The following PPARGC1B variants were observed in gnomAD, a reference collection of about 807,000 sequenced individuals.
PPARGC1B encodes PPARG coactivator 1 beta, also known as peroxisome proliferator-activated receptor gamma coactivator 1-beta.
Under a neutral mutation model 101.6 loss-of-function variants are expected in PPARGC1B, and 34 were observed. The observed-to-expected ratio is 0.33, with a 90% CI of 0.25 to 0.45. The LOEUF (loss-of-function observed/expected upper bound fraction) is 0.45, where lower values mean the gene tolerates loss of function less well. Ranked by LOEUF, PPARGC1B falls within the 20% of genes least tolerant of loss-of-function variation. The pLI is 1.00. For synonymous variants in PPARGC1B, 548 were observed against 539.3 expected (o/e 1.02, Z -0.22); for missense variants, 1,234 against 1,317.6 (o/e 0.94, Z 0.98).
At position 149,845,785 on chromosome 5, in the gene PPARGC1B, T is replaced by C. The variant is rs1759527873; in HGVS notation, c.2842T>C (p.Tyr948His). The change falls in exon 11 of 12, where the codon TAC becomes CAC. Residue 948 changes from tyrosine to histidine, a missense_variant. Tyr to His is a moderately conservative substitution (Grantham distance 83). Coordinates refer to ENST00000309241, the MANE Select transcript of PPARGC1B (RefSeq NM_133263.4). Reference sequence around the variant, plus strand: ...AGGCGAGAAGTACGGCTTCATCACCTACCGGTGTTCTGAGCACGCGGCCCT... The same window carrying C: ...AGGCGAGAAGTACGGCTTCATCACCCACCGGTGTTCTGAGCACGCGGCCCT... ...RRGEKYGFITYRCSEHAALSL... is the reference protein window; with the variant it reads ...RRGEKYGFITHRCSEHAALSL... 1 of 1,612,932 alleles carries C rather than the reference T, an allele frequency of 6.2e-7. No individual in the cohort carries two copies. Among genetic ancestry groups the C allele is most frequent in the South Asian group, 1.1e-5 (1 of 91,040 alleles).
intron 1 of PPARGC1B, among the ~76,000 whole-genome samples, chr5:149,744,533 A>G (rs1211350703): frequency 1.3e-5 from 2 of 152,214 alleles, no homozygotes; most frequent in African/African-American, 2.4e-5. Flanking sequence ...CATTCTGTTC[A>G]GTGTTCTCCG....
intron 1 of PPARGC1B, among the ~76,000 whole-genome samples, chr5:149,743,188 C>T (rs1561848149): frequency 6.8e-6 from 1 of 148,084 alleles, no homozygotes; most frequent in Non-Finnish European, 1.5e-5. Flanking sequence ...CAGATTCTCG[C>T]TCTGTCGCCC....
In PPARGC1B at chr5:149,847,818, G is replaced by A. The variant is rs368936505; in HGVS notation, c.*260G>A. 14 of 486,508 alleles carry A rather than the reference G, an allele frequency of 2.9e-5. No homozygotes were observed. Among genetic ancestry groups the A allele is most frequent in the East Asian group, 1.7e-4 (5 of 29,508 alleles). The allele number at this position is 486,508 out of a possible 1,614,324, so 30.1% of individuals were successfully genotyped here. ...GTCCTCGCTTCCAACGGGTTGTCCC[G>A]GGTGCACCTCGAAGTGCCGGGTCCG... On this transcript the variant is annotated 3_prime_UTR_variant, in exon 12 of 12. Coordinates refer to ENST00000309241, the MANE Select transcript of PPARGC1B (RefSeq NM_133263.4).
intron 3 of PPARGC1B, among the ~76,000 whole-genome samples, chr5:149,830,246 CT>C (rs74273665): frequency 0.014 from 1,979 of 138,250 alleles, 39 homozygotes; most frequent in African/African-American, 0.045. Context: ...GATGTGTCTT[CT>C]TTTTTTTTTT....
At chr5:149,787,649 AG>A (rs1444131743) in intron 1 of PPARGC1B, among the ~76,000 whole-genome samples, 1 of 152,202 alleles carries the variant, frequency 6.6e-6, no homozygotes, top group African/African-American at 2.4e-5. Context: ...TCTTGGATGT[AG>A]GGAAAGATGG....
intron 1 of PPARGC1B, among the ~76,000 whole-genome samples, chr5:149,804,209 C>T (rs1270373787): frequency 6.6e-6 from 1 of 152,218 alleles, no homozygotes; most frequent in Non-Finnish European, 1.5e-5. Context: ...GAAATAGTGC[C>T]TCTGCGCCTC....
Position 149,836,287 on chromosome 5 carries a change from C to T in PPARGC1B, c.1832C>T (p.Pro611Leu). The T allele has an allele frequency of 3.1e-6, 5 of 1,592,264 alleles. No homozygotes were observed. Among genetic ancestry groups the T allele is most frequent in the Non-Finnish European group, 3.4e-6 (4 of 1,169,260 alleles). ...GGACTCACCCCACCCACCACACCACCGTACAAGCCCACAGAGGAGGATCCC... is the reference window on the plus strand; with the variant it reads ...GGACTCACCCCACCCACCACACCACTGTACAAGCCCACAGAGGAGGATCCC... ...TAGLTPPTTP[P>L]YKPTEEDPFK... Residue 611 changes from proline to leucine, a missense_variant, in exon 8 of 12, where the codon CCG becomes CTG. Physicochemically the swap from Pro to Leu is moderately conservative, Grantham distance 98 (BLOSUM62 -3). Transcript: ENST00000309241.
chr5:149,769,458 T>G (rs1756040450), intron 1 of PPARGC1B, among the ~76,000 whole-genome samples: 1 of 152,222 alleles, frequency 6.6e-6, no homozygotes, highest in African/African-American at 2.4e-5. Context: ...ACGTTCCCAC[T>G]GATTCGGGGA....
intron 1 of PPARGC1B, among the ~76,000 whole-genome samples, chr5:149,745,654 C>T (rs536873695): frequency 3.0e-4 from 45 of 152,302 alleles, no homozygotes; most frequent in African/African-American, 1.0e-3. Context: ...AGCAGGGCAA[C>T]TTCTTTATCA....
At chr5:149,856,079 C>CA (rs1450511015), downstream of PPARGC1B, among the ~76,000 whole-genome samples, 1 of 151,962 alleles carries the variant, frequency 6.6e-6, no homozygotes, top group Non-Finnish European at 1.5e-5. Context: ...GTCGTGGCAA[C>CA]AGAGCCTGGG....
intron 1 of PPARGC1B, among the ~76,000 whole-genome samples, chr5:149,815,361 G>T (rs928647363): frequency 6.6e-6 from 1 of 152,000 alleles, no homozygotes; most frequent in Non-Finnish European, 1.5e-5. Flanking sequence ...AGACAGATAT[G>T]CATAGAGGGA....
chr5:149,826,979 G>A lies in PPARGC1B; in HGVS notation c.465+94G>A, dbSNP rs963082524. The A allele has an allele frequency of 2.4e-5, 23 of 959,056 alleles. No individual in the cohort carries two copies. In the East Asian group the frequency reaches 2.7e-4, roughly 11 times the overall value. 59.4% of individuals were successfully genotyped at this position (959,056 alleles called of 1,614,324 possible). On this transcript the variant is annotated intron_variant, in intron 3 of 11. Coordinates refer to ENST00000309241, the MANE Select transcript of PPARGC1B (RefSeq NM_133263.4). ...GTGCAGAGCAATCCGCTCCAGCCCC[G>A]CAGGGGACTCCGTGCATCACTGGCA...
chr5:149,788,287 A>G (rs1460160091), intron 1 of PPARGC1B, among the ~76,000 whole-genome samples: 1 of 152,278 alleles, frequency 6.6e-6, no homozygotes, highest in African/African-American at 2.4e-5. Flanking sequence ...ACACTTCTCA[A>G]AAGAAGACAT....
intron 1 of PPARGC1B, among the ~76,000 whole-genome samples, chr5:149,806,543 T>C (rs1027498433): frequency 6.6e-6 from 1 of 151,926 alleles, no homozygotes; most frequent in Non-Finnish European, 1.5e-5. Flanking sequence ...GTGGACACTA[T>C]AGGACCCCAG....
chr5:149,798,121 A>G (rs1161183083), intron 1 of PPARGC1B, among the ~76,000 whole-genome samples: 3 of 152,220 alleles, frequency 2.0e-5, no homozygotes, highest in African/African-American at 7.2e-5. Context: ...TGTCTTGGCC[A>G]GGGCCACACA....
chr5:149,842,212 G>T lies in PPARGC1B; in HGVS notation c.2695-44G>T. On this transcript the variant is annotated intron_variant, in intron 9 of 11. Coordinates refer to ENST00000309241, the MANE Select transcript of PPARGC1B (RefSeq NM_133263.4). ...CCCACTCCCAGAGGGGCCCCAGGAA[G>T]CCAGGCAATGACGGAGTCTCTCTCT... The T allele has an allele frequency of 1.9e-6, 3 of 1,600,550 alleles. No individual in the cohort carries two copies. The South Asian group carries it at 3.3e-5, about 18-fold the overall frequency.
intron 1 of PPARGC1B, among the ~76,000 whole-genome samples, chr5:149,741,662 C>T (rs1754913012): frequency 6.6e-6 from 1 of 150,520 alleles, no homozygotes; most frequent in Non-Finnish European, 1.5e-5. Context: ...GAGTCTTACC[C>T]TGTTGCCCAG....
chr5:149,835,467 C>T (rs892141334), intron 7 of PPARGC1B, 102 bp downstream of exon 7: 14 of 995,304 alleles, frequency 1.4e-5, no homozygotes, highest in Middle Eastern at 2.1e-4. Context: ...ATGAACGATG[C>T]GCAAGATGCC....
intron 1 of PPARGC1B, among the ~76,000 whole-genome samples, chr5:149,790,270 C>A (rs1201087885): frequency 6.6e-6 from 1 of 152,156 alleles, no homozygotes; most frequent in Non-Finnish European, 1.5e-5. Flanking sequence ...GGACCAGAAT[C>A]TTTTGGCAGC....
Sources: allele counts gnomAD v4.1 joint callset (sites outside exome capture counted in the v4.1 genomes callset), GRCh38; gene constraint gnomAD v4.1.1; transcripts MANE v1.5; gene names NCBI Gene and HGNC (gene_info 2026-07-23, HGNC 2026-07-21).